DNAH7: variants seen among roughly 807,000 people sequenced by gnomAD.
The protein encoded by DNAH7 is dynein axonemal heavy chain 7, also known as axonemal beta dynein heavy chain 7.
DNAH7 carries 397 observed loss-of-function variants against 444.6 expected under a neutral mutation model. The ratio of observed to expected loss-of-function variants is 0.89; its 90% CI spans 0.82 to 0.97. The LOEUF is 0.97. Among genes scored for constraint, DNAH7 ranks in the 50% least tolerant of loss-of-function variants. DNAH7 has a pLI of 0.00. For synonymous variants in DNAH7, 1,636 were observed against 1,624.4 expected, an observed-to-expected ratio of 1.01 and a Z score of -0.17; for missense variants, 4,902 against 4,800.8, an observed-to-expected ratio of 1.02 and a Z score of -0.62.
chr2:195,933,450 G>A (rs1688836149), intron 21 of DNAH7, among the ~76,000 whole-genome samples: 1 of 152,162 alleles, frequency 6.6e-6, no homozygotes, highest in African/African-American at 2.4e-5. Context: ...ATATGCACAT[G>A]TATGTTTATT....
At chr2:195,746,908 T>C (rs1473771765) in intron 63 of DNAH7, among the ~76,000 whole-genome samples, 3 of 151,814 alleles carry the variant, frequency 2.0e-5, no homozygotes, top group African/African-American at 7.3e-5. Flanking sequence ...AGATCCAAAA[T>C]TGACACCCTA....
chr2:195,891,919 G>A (rs1451493862), intron 30 of DNAH7, 115 bp from the exon 31 acceptor site: 10 of 823,516 alleles, frequency 1.2e-5, no homozygotes, highest in African/African-American at 1.8e-5. Context: ...ATTAGAAGTA[G>A]TGAATTTGAC....
chr2:196,003,672 G>T (rs1694188123), intron 10 of DNAH7, among the ~76,000 whole-genome samples: 1 of 152,156 alleles, frequency 6.6e-6, no homozygotes, highest in South Asian at 2.1e-4. Flanking sequence ...GGTATTGAAG[G>T]ACAGAAGAGA....
At chr2:195,793,312 A>T (rs1325849950) in intron 57 of DNAH7, among the ~76,000 whole-genome samples, 1 of 152,236 alleles carries the variant, frequency 6.6e-6, no homozygotes, top group East Asian at 1.9e-4. Context: ...AACAAAAATT[A>T]TGATGTGCTG....
In DNAH7 at chr2:195,864,486, C is replaced by T. The variant is rs1213730403; in HGVS notation, c.7169G>A (p.Gly2390Asp). 6.2e-7 allele frequency: 1 copy of T among 1,614,098 alleles called. No individual in the cohort carries two copies. Among genetic ancestry groups the T allele is most frequent in the East Asian group, 2.2e-5 (1 of 44,900 alleles). ...AAACAGGAAGACACCCTGCATCTCA[C>T]CTTCCGCACATTTCCTTAAGATCAC... is the stretch of plus-strand genomic sequence containing the variant. ...LKVILRKCAEGEMQGVFLFTD... is the reference protein window; with the variant it reads ...LKVILRKCAEDEMQGVFLFTD... Residue 2390 changes from glycine to aspartate, a missense_variant, in exon 41 of 65, where the codon GGT (glycine) becomes GAT (aspartate). Gly to Asp is a moderately conservative substitution (Grantham distance 94). Transcript: ENST00000312428.
intron 6 of DNAH7, among the ~76,000 whole-genome samples, chr2:196,027,753 A>C (rs1482802965): frequency 6.6e-6 from 1 of 152,086 alleles, no homozygotes; most frequent in African/African-American, 2.4e-5. Context: ...GTAGATTTGA[A>C]ATTTTTTTAA....
At chr2:196,062,747 T>A (rs1698198723) in intron 1 of DNAH7, among the ~76,000 whole-genome samples, 1 of 152,222 alleles carries the variant, frequency 6.6e-6, no homozygotes, top group Non-Finnish European at 1.5e-5. Flanking sequence ...TAATCCTCCT[T>A]CTTCCTTGAA....
rs920103894 is a variant in DNAH7 at position 196,068,794 on chromosome 2, C to G, written c.-83G>C. Reference sequence around the variant, plus strand: ...CCCTAGGACGATAGAGGCAGGGCCCCGGGACTTGCAGCGGTCTCAGCTCCC... The same window carrying G: ...CCCTAGGACGATAGAGGCAGGGCCCGGGGACTTGCAGCGGTCTCAGCTCCC... On this transcript the variant is annotated 5_prime_UTR_variant, in exon 1 of 65. Transcript: ENST00000312428. 2 of 1,517,778 alleles carry G rather than the reference C, an allele frequency of 1.3e-6. No homozygotes were observed. Among genetic ancestry groups the G allele is most frequent in the East Asian group, 5.0e-5 (2 of 40,024 alleles). 94.0% of individuals were successfully genotyped at this position (1,517,778 alleles called of 1,614,324 possible). A position where few individuals can be genotyped will look rare whatever the true frequency, so the allele number is the denominator to read the frequency against.
chr2:195,747,183 C>A (rs1392278361), intron 63 of DNAH7, among the ~76,000 whole-genome samples: 3 of 151,856 alleles, frequency 2.0e-5, no homozygotes, highest in Non-Finnish European at 1.5e-5. Context: ...ACCGATCCCA[C>A]AGAAATACAA....
chr2:196,002,726 G>A (rs555571101), intron 10 of DNAH7, among the ~76,000 whole-genome samples: 10 of 152,042 alleles, frequency 6.6e-5, no homozygotes, highest in Non-Finnish European at 1.3e-4. Context: ...ATATGGTATC[G>A]GCTGGGTGCA....
intron 47 of DNAH7, among the ~76,000 whole-genome samples, chr2:195,840,595 TAA>T (rs1286317074): frequency 6.6e-6 from 1 of 151,798 alleles, no homozygotes; most frequent in Non-Finnish European, 1.5e-5. Context: ...TGTCTACATA[TAA>T]AATATTCCAA....
chr2:195,969,885 A>T, intron 17 of DNAH7, 63 bp downstream of exon 17: 1 of 1,524,544 alleles, frequency 6.6e-7, no homozygotes, highest in South Asian at 1.2e-5. Context: ...GTGAATAACT[A>T]AAACGAATTC....
Position 195,923,570 on chromosome 2 carries a change from T to C in DNAH7, c.3825+25A>G, listed in dbSNP as rs1688148917. On this transcript the variant is annotated intron_variant, in intron 23 of 64. Coordinates refer to ENST00000312428, the MANE Select transcript of DNAH7 (RefSeq NM_018897.3). ...ACTACGAGCTGAAATTGCTGTGTAA[T>C]ATAACATTCAGTGATACCACTTACT... 3.1e-6 allele frequency: 5 copies of C among 1,606,758 alleles called. No individual in the cohort carries two copies. The Middle Eastern group carries it at 4.9e-4, about 159-fold the overall frequency.
intron 42 of DNAH7, among the ~76,000 whole-genome samples, chr2:195,860,268 G>T (rs1699942894): frequency 6.6e-6 from 1 of 151,948 alleles, no homozygotes. Context: ...CCTTACTATT[G>T]TGAGTGCAGA....
chr2:195,906,341 T>C (rs1687014025), intron 27 of DNAH7, among the ~76,000 whole-genome samples: 1 of 151,760 alleles, frequency 6.6e-6, no homozygotes, highest in South Asian at 2.1e-4. Flanking sequence ...TCTAAAACAT[T>C]ATAGCTAAAA....
intron 12 of DNAH7, among the ~76,000 whole-genome samples, chr2:195,999,530 C>T (rs111648934): frequency 1.2e-4 from 18 of 152,102 alleles, no homozygotes; most frequent in African/African-American, 4.3e-4. Context: ...AGAAATATAC[C>T]ACCAGGAGCA....
intron 2 of DNAH7, among the ~76,000 whole-genome samples, chr2:196,054,475 C>G (rs946393230): frequency 1.3e-5 from 2 of 152,112 alleles, no homozygotes; most frequent in African/African-American, 4.8e-5. Context: ...TGAGCCAAGA[C>G]TGCACTACTG....
rs189351095 is a variant in DNAH7, at chr2:195,993,689, G to A, written c.1354-5460C>T. Among the ~76,000 whole-genome samples, 5 of 152,334 alleles carry A rather than the reference G, an allele frequency of 3.3e-5. No individual in the cohort carries two copies. The East Asian group carries it at 5.8e-4, about 18-fold the overall frequency. The stretch of plus-strand genomic sequence containing the variant: ...GTGTCCCCTCCTTCTGGGACACAGA[G>A]TCCAGAGCTTAAATTGAATTTAAAT... On this transcript the variant is annotated intron_variant, in intron 12 of 64. Coordinates refer to ENST00000312428, the MANE Select transcript of DNAH7 (RefSeq NM_018897.3).
chr2:195,870,240 A>G (rs182644788), intron 40 of DNAH7, among the ~76,000 whole-genome samples: 60 of 152,320 alleles, frequency 3.9e-4, no homozygotes, highest in Admixed American at 3.5e-3. Context: ...TGCAAAGACA[A>G]TAAGTAAGCC....
Sources: gnomAD v4.1 joint callset for allele counts (sites outside exome capture counted in the v4.1 genomes callset) on GRCh38, gnomAD v4.1.1 for gene constraint, MANE v1.5 for transcripts, NCBI Gene and HGNC (gene_info 2026-07-23, HGNC 2026-07-21) for gene names.